The following SIPA1L2 variants were observed in gnomAD, a reference collection of about 807,000 sequenced individuals.
SIPA1L2 encodes signal induced proliferation associated 1 like 2, also known as signal-induced proliferation-associated 1-like protein 2.
A neutral mutation model predicts 163.9 loss-of-function variants in SIPA1L2; 56 were observed. That is an observed-to-expected ratio of 0.34 (90% CI 0.28 to 0.43). SIPA1L2 has a LOEUF of 0.43. SIPA1L2 is among the 20% of genes least tolerant of loss of function. The pLI is 1.00. For synonymous variants in SIPA1L2, 877 were observed against 865.7 expected (o/e 1.01, Z -0.23); for missense variants, 1,974 against 2,193.5 (o/e 0.90, Z 2.00).
chr1:232,572,708 T>TACACAC (rs1385128293), intron 2 of SIPA1L2, among the ~76,000 whole-genome samples: 15 of 71,932 alleles, frequency 2.1e-4, no homozygotes, highest in African/African-American at 7.9e-4. Context: ...TATATATATA[T>TACACAC]ATATATATAC....
intron 1 of SIPA1L2, among the ~76,000 whole-genome samples, chr1:232,627,492 C>G (rs1402398495): frequency 6.6e-6 from 1 of 151,928 alleles, no homozygotes; most frequent in Admixed American, 6.6e-5. Context: ...TATCAAGGAA[C>G]CCTTCAAAAC....
chr1:232,526,048 C>A (rs1667691458), intron 2 of SIPA1L2, among the ~76,000 whole-genome samples: 1 of 152,212 alleles, frequency 6.6e-6, no homozygotes, highest in African/African-American at 2.4e-5. Flanking sequence ...GGCAAAACTG[C>A]AACTGAGGAA....
At chr1:232,510,359 G>A (rs983256653) in intron 3 of SIPA1L2, among the ~76,000 whole-genome samples, 5 of 152,160 alleles carry the variant, frequency 3.3e-5, no homozygotes, top group African/African-American at 4.8e-5. Flanking sequence ...TAACTGATGC[G>A]TGACTATAGT....
chr1:232,456,729 T>C (rs1558191481), intron 10 of SIPA1L2, among the ~76,000 whole-genome samples: 1 of 152,198 alleles, frequency 6.6e-6, no homozygotes, highest in African/African-American at 2.4e-5. Context: ...AAATTATCCC[T>C]TGCAAAAACA....
Position 232,428,074 on chromosome 1 carries a change from C to G in SIPA1L2, c.4410+337G>C, listed in dbSNP as rs115422563. ...TTCACAATTCAGTTATTATGATCTC[C>G]TTTTTTCAGATGAGAGCATTGAGGT... On this transcript the variant is annotated intron_variant, in intron 17 of 22. Coordinates refer to ENST00000674635, the MANE Select transcript of SIPA1L2 (RefSeq NM_020808.5). 7.4e-3 allele frequency among the ~76,000 whole-genome samples: 1,121 copies of G among 152,224 alleles called. 9 individuals carry two copies. The highest frequency in any genetic ancestry group is 0.024 in the African/African-American group (1,011 of 41,550).
At chr1:232,626,121 G>A (rs2102897641) in intron 1 of SIPA1L2, among the ~76,000 whole-genome samples, 1 of 151,956 alleles carries the variant, frequency 6.6e-6, no homozygotes, top group East Asian at 1.9e-4. Flanking sequence ...TACATCAAAA[G>A]GATTTTGACG....
chr1:232,481,333 A>C (rs1207785866), intron 6 of SIPA1L2, among the ~76,000 whole-genome samples: 1 of 152,184 alleles, frequency 6.6e-6, no homozygotes, highest in African/African-American at 2.4e-5. Context: ...AGGCTGGATG[A>C]TGAGAAGGCC....
Position 232,401,054 on chromosome 1 carries a change from C to T in SIPA1L2, c.5022+1338G>A, listed in dbSNP as rs138215766. Among the ~76,000 whole-genome samples the T allele has an allele frequency of 3.7e-4, 57 of 152,286 alleles. No homozygotes were observed. In the Middle Eastern group the frequency reaches 0.014, roughly 36 times the overall value. On this transcript the variant is annotated intron_variant, in intron 22 of 22. Coordinates refer to ENST00000674635, the MANE Select transcript of SIPA1L2 (RefSeq NM_020808.5). ...AGTGACATTATTTCTCTTCAACCAG[C>T]CTGGACTCCAGGTTCTTTGGTTTAT... is the stretch of plus-strand genomic sequence containing the variant.
At chr1:232,614,842 T>C (rs1250438230) in intron 1 of SIPA1L2, among the ~76,000 whole-genome samples, 1 of 152,246 alleles carries the variant, frequency 6.6e-6, no homozygotes, top group Non-Finnish European at 1.5e-5. Flanking sequence ...TCTAATTTGA[T>C]AGTGGAAAGT....
chr1:232,615,541 C>T (rs1361855481), intron 1 of SIPA1L2, among the ~76,000 whole-genome samples: 1 of 152,194 alleles, frequency 6.6e-6, no homozygotes, highest in Non-Finnish European at 1.5e-5. Flanking sequence ...TTTTTGCTCC[C>T]AAGAAACCCT....
intron 1 of SIPA1L2, among the ~76,000 whole-genome samples, chr1:232,597,451 G>A (rs569443430): frequency 6.6e-6 from 1 of 151,610 alleles, no homozygotes; most frequent in Non-Finnish European, 1.5e-5. Flanking sequence ...GCCAAGGTGG[G>A]CGGATCACAA....
At chr1:232,412,178 T>C (rs542198272) in intron 19 of SIPA1L2, among the ~76,000 whole-genome samples, 1 of 152,316 alleles carries the variant, frequency 6.6e-6, no homozygotes, top group African/African-American at 2.4e-5. Flanking sequence ...ACTTTAGCCC[T>C]TAAATGAAGG....
Position 232,515,218 on chromosome 1 carries a change from A to C in SIPA1L2, c.122T>G (p.Ile41Ser). Reference sequence around the variant, plus strand: ...AGTAGTGGGTCCCATGTTGCCATTAATGGCTTTAAATTTCCGAGCAAAATA... The same window carrying C: ...AGTAGTGGGTCCCATGTTGCCATTACTGGCTTTAAATTTCCGAGCAAAATA... The part of the protein sequence containing the change: ...DDYFARKFKA[I>S]NGNMGPTTSL... The change falls in exon 3 of 23, where the codon ATT becomes AGT. Residue 41 changes from isoleucine to serine, a missense_variant. By Grantham distance (142) the Ile-to-Ser change is moderately radical (BLOSUM62 -2). This residue lies in a region of SIPA1L2 where 607 missense variants were observed against 624.0 expected (regional missense o/e 0.97). Transcript: ENST00000674635. The C allele has an allele frequency of 6.2e-7, 1 of 1,614,130 alleles. No homozygotes were observed. Among genetic ancestry groups the C allele is most frequent in the Non-Finnish European group, 8.5e-7 (1 of 1,179,976 alleles).
At chr1:232,494,290 T>TA (rs1286846736) in intron 3 of SIPA1L2, among the ~76,000 whole-genome samples, 1 of 152,244 alleles carries the variant, frequency 6.6e-6, no homozygotes, top group Non-Finnish European at 1.5e-5. Context: ...TAACTTGGTT[T>TA]AAAATGTCAT....
At chr1:232,609,441 T>C (rs975681150) in intron 1 of SIPA1L2, among the ~76,000 whole-genome samples, 4 of 151,936 alleles carry the variant, frequency 2.6e-5, no homozygotes, top group Non-Finnish European at 5.9e-5. Flanking sequence ...CTATTATGCA[T>C]ATTATTAAAA....
Position 232,460,968 on chromosome 1 carries a change from T to C in SIPA1L2, c.3014A>G (p.Glu1005Gly), listed in dbSNP as rs1276535658. 6.8e-6 allele frequency: 11 copies of C among 1,614,266 alleles called. No individual in the cohort carries two copies. Among genetic ancestry groups the C allele is most frequent in the Non-Finnish European group, 9.3e-6 (11 of 1,180,048 alleles). The change falls in exon 10 of 23, where the codon GAG becomes GGG. Residue 1005 changes from glutamate to glycine, a missense_variant. Transcript: ENST00000674635. ...CKVAVATLTH[E>G]QMIDLLRTSV... ...AGTACGGAGCAGGTCGATCATCTGCTCGTGGGTCAGAGTGGCCACGGCTAC... is the reference window on the plus strand; with the variant it reads ...AGTACGGAGCAGGTCGATCATCTGCCCGTGGGTCAGAGTGGCCACGGCTAC...
chr1:232,478,474 T>TG lies in SIPA1L2; in HGVS notation c.2085+1152dup, dbSNP rs1665156670. Among the ~76,000 whole-genome samples the TG allele has an allele frequency of 3.3e-5, 5 of 152,246 alleles. No individual in the cohort carries two copies. The South Asian group carries it at 1.0e-3, about 32-fold the overall frequency. ...GGAGGTAGTTGGCTGGTTTCCTCTT[T>TG]GGGAAAAAATGCAGAATTAGACTAA... On this transcript the variant is annotated intron_variant, in intron 7 of 22. Coordinates refer to ENST00000674635, the MANE Select transcript of SIPA1L2 (RefSeq NM_020808.5).
intron 19 of SIPA1L2, among the ~76,000 whole-genome samples, chr1:232,414,408 G>A (rs1403290596): frequency 2.0e-5 from 3 of 152,136 alleles, no homozygotes; most frequent in African/African-American, 4.8e-5. Flanking sequence ...TCAACCTTCC[G>A]CATTTTGACT....
intron 10 of SIPA1L2, among the ~76,000 whole-genome samples, chr1:232,454,871 T>A (rs750739995): frequency 6.6e-6 from 1 of 152,198 alleles, no homozygotes; most frequent in Non-Finnish European, 1.5e-5. Flanking sequence ...CACTTTTAAA[T>A]AGCCAAAATA....
Sources: allele counts gnomAD v4.1 joint callset (sites outside exome capture counted in the v4.1 genomes callset), GRCh38; gene constraint gnomAD v4.1.1; regional missense constraint gnomAD v4.1.1; transcripts MANE v1.5; gene names NCBI Gene and HGNC (gene_info 2026-07-23, HGNC 2026-07-21).